FAM78B: variants seen among roughly 807,000 people sequenced by gnomAD.
FAM78B encodes the protein protein FAM78B.
Under a neutral mutation model 20.0 loss-of-function variants are expected in FAM78B, and 10 were observed. The observed-to-expected ratio is 0.50, with a 90% CI of 0.31 to 0.85. FAM78B has a LOEUF of 0.85. FAM78B is among the 40% of genes least tolerant of loss of function. FAM78B has a pLI of 0.05. For synonymous variants in FAM78B, 135 were observed against 132.8 expected, an observed-to-expected ratio of 1.02 and a Z score of -0.12; for missense variants, 283 against 345.0, an observed-to-expected ratio of 0.82 and a Z score of 1.42.
At chr1:166,107,864 A>G (rs1653847895) in intron 1 of FAM78B, among the ~76,000 whole-genome samples, 1 of 152,226 alleles carries the variant, frequency 6.6e-6, no homozygotes, top group African/African-American at 2.4e-5. Context: ...AATGTGATAC[A>G]CCACATAAAC....
At chr1:166,116,236 T>C (rs74118973) in intron 1 of FAM78B, among the ~76,000 whole-genome samples, 5,146 of 152,258 alleles carry the variant, frequency 0.034, 272 homozygotes, top group African/African-American at 0.11. Flanking sequence ...GTGTGCAGAC[T>C]CCTGTTGGCT....
At chr1:166,160,708 ATAGTT>A (rs1205024662) in intron 1 of FAM78B, among the ~76,000 whole-genome samples, 1 of 152,246 alleles carries the variant, frequency 6.6e-6, no homozygotes, top group Admixed American at 6.5e-5. Flanking sequence ...GGTCAGAAAA[ATAGTT>A]TATTCGTTTA....
downstream of FAM78B, among the ~76,000 whole-genome samples, chr1:166,056,285 T>TAG (rs756989334): frequency 2.1e-5 from 3 of 144,600 alleles, no homozygotes; most frequent in African/African-American, 5.3e-5. Flanking sequence ...TGTGCGTGTG[T>TAG]AGAGAGAGAG....
At chr1:166,094,283 G>A (rs1653191644) in intron 1 of FAM78B, among the ~76,000 whole-genome samples, 1 of 152,174 alleles carries the variant, frequency 6.6e-6, no homozygotes, top group Admixed American at 6.5e-5. Context: ...GGCCCTGATG[G>A]AGCAGGAGGC....
intron 1 of FAM78B, among the ~76,000 whole-genome samples, chr1:166,078,787 G>A (rs1056987993): frequency 5.9e-5 from 9 of 152,258 alleles, no homozygotes; most frequent in Non-Finnish European, 1.2e-4. Flanking sequence ...CCCCTGATGC[G>A]GTGTGGGTTG....
At chr1:166,090,436 AG>A (rs1653022671) in intron 1 of FAM78B, among the ~76,000 whole-genome samples, 1 of 152,180 alleles carries the variant, frequency 6.6e-6, no homozygotes, top group Non-Finnish European at 1.5e-5. Context: ...AAAACAAAAC[AG>A]GGGAAGTAGG....
chr1:166,166,138 G>C lies in FAM78B; in HGVS notation c.111C>G (p.Thr37=). 3 of 1,608,768 alleles carry C rather than the reference G, an allele frequency of 1.9e-6. No individual in the cohort carries two copies. The South Asian group carries it at 3.3e-5, about 18-fold the overall frequency. ...IDQCPTRIEE[T]SPIVLRYKTP... Reference sequence around the variant, plus strand: ...TCTTGTAGCGCAGGACGATGGGCGAGGTCTCCTCGATGCGCGTGGGGCACT... The same window carrying C: ...TCTTGTAGCGCAGGACGATGGGCGACGTCTCCTCGATGCGCGTGGGGCACT... The change falls in exon 1 of 2, where the codon ACC becomes ACG. Residue 37 remains threonine (T), a synonymous_variant. Coordinates refer to ENST00000354422, the MANE Select transcript of FAM78B (RefSeq NM_001017961.5).
At chr1:166,065,462 G>T (rs1372038214), downstream of FAM78B, among the ~76,000 whole-genome samples, 1 of 152,202 alleles carries the variant, frequency 6.6e-6, no homozygotes, top group Admixed American at 6.5e-5. Context: ...AACAATGACA[G>T]ATCAGGCCAA....
intron 1 of FAM78B, among the ~76,000 whole-genome samples, chr1:166,104,887 G>A (rs1453504367): frequency 5.3e-5 from 8 of 152,118 alleles, no homozygotes; most frequent in Non-Finnish European, 1.2e-4. Flanking sequence ...AAAAGAGCCC[G>A]CATTGCCAAG....
intron 1 of FAM78B, among the ~76,000 whole-genome samples, chr1:166,076,301 C>A (rs1480077687): frequency 2.0e-5 from 3 of 152,134 alleles, no homozygotes; most frequent in Non-Finnish European, 4.4e-5. Flanking sequence ...CTTTTCTCTC[C>A]CTCTTGCCCA....
chr1:166,108,106 C>A (rs1219502611), intron 1 of FAM78B, among the ~76,000 whole-genome samples: 1 of 152,104 alleles, frequency 6.6e-6, no homozygotes, highest in Non-Finnish European at 1.5e-5. Flanking sequence ...CCCACCCTCA[C>A]CACTTCTCTT....
At chr1:166,152,935 CA>C (rs1655740301) in intron 1 of FAM78B, among the ~76,000 whole-genome samples, 2 of 152,304 alleles carry the variant, frequency 1.3e-5, no homozygotes, top group African/African-American at 4.8e-5. Context: ...CTTGGCCTCC[CA>C]AAGTGCTGGG....
At chr1:166,098,989 T>A (rs1276727293) in intron 1 of FAM78B, among the ~76,000 whole-genome samples, 4 of 152,174 alleles carry the variant, frequency 2.6e-5, no homozygotes. Flanking sequence ...TTAAGAGCTG[T>A]GAGACAGAAG....
At chr1:166,111,593 CTTTTGGT>C (rs1324693635) in intron 1 of FAM78B, among the ~76,000 whole-genome samples, 1 of 152,182 alleles carries the variant, frequency 6.6e-6, no homozygotes, top group East Asian at 1.9e-4. Flanking sequence ...ATATCACTTC[CTTTTGGT>C]CACCTGAAGT....
downstream of FAM78B, among the ~76,000 whole-genome samples, chr1:166,065,827 TTCTA>T (rs148961105): frequency 8.1e-3 from 1,231 of 152,306 alleles, 16 homozygotes; most frequent in African/African-American, 0.028. Context: ...TCAGCTCCCT[TTCTA>T]TCTAAGGATC....
intron 1 of FAM78B, among the ~76,000 whole-genome samples, chr1:166,144,800 G>A (rs1042784965): frequency 6.6e-6 from 1 of 152,176 alleles, no homozygotes; most frequent in Non-Finnish European, 1.5e-5. Context: ...AAAAGAAGGA[G>A]AGACCTGCCA....
At chr1:166,079,167 C>T (rs925282998) in intron 1 of FAM78B, among the ~76,000 whole-genome samples, 1 of 152,134 alleles carries the variant, frequency 6.6e-6, no homozygotes, top group African/African-American at 2.4e-5. Context: ...TCCTGGCCTC[C>T]AGGGATCCTC....
In FAM78B at chr1:166,127,155, G is replaced by C. The variant is rs557819054; in HGVS notation, c.263+38831C>G. Among the ~76,000 whole-genome samples the C allele has an allele frequency of 1.1e-3, 174 of 152,320 alleles. 1 individual carries two copies. The highest frequency in any genetic ancestry group is 4.1e-3 in the African/African-American group (170 of 41,558). ...TGGAGAAAATCACTCCTGCTTTACAGGGTTGTGAAGATTGAAATGTATGCA... is the reference window on the plus strand; with the variant it reads ...TGGAGAAAATCACTCCTGCTTTACACGGTTGTGAAGATTGAAATGTATGCA... On this transcript the variant is annotated intron_variant, in intron 1 of 1. Coordinates refer to ENST00000354422, the MANE Select transcript of FAM78B (RefSeq NM_001017961.5).
chr1:166,127,736 T>A (rs2101775062), intron 1 of FAM78B, among the ~76,000 whole-genome samples: 2 of 152,316 alleles, frequency 1.3e-5, no homozygotes, highest in Middle Eastern at 3.4e-3. Flanking sequence ...GTCTGACTGC[T>A]ACTGTGTGTC....
Sources: gnomAD v4.1 joint callset for allele counts (sites outside exome capture counted in the v4.1 genomes callset) on GRCh38, gnomAD v4.1.1 for gene constraint, MANE v1.5 for transcripts, NCBI Gene and HGNC (gene_info 2026-07-23, HGNC 2026-07-21) for gene names.